Variants in PPID observed in about 807,000 individuals in gnomAD.
The protein encoded by PPID is peptidyl-prolyl cis-trans isomerase D.
A neutral mutation model predicts 48.1 loss-of-function variants in PPID; 47 were observed. The observed-to-expected ratio is 0.98, with a 90% CI of 0.77 to 1.25. The LOEUF is 1.25. Ranked by LOEUF, PPID falls within the 50% of genes most tolerant of loss-of-function variation. The pLI is 0.00. For synonymous variants in PPID, 163 were observed against 148.8 expected, an observed-to-expected ratio of 1.10 and a Z score of -0.69; for missense variants, 429 against 443.5, an observed-to-expected ratio of 0.97 and a Z score of 0.29.
intron 1 of PPID, 68 bp from the exon 2 acceptor site, chr4:158,721,551 G>GCCGGGCGCGGTGGCTCACGCC: frequency 6.5e-7 from 1 of 1,531,018 alleles, no homozygotes. Context: ...AAGAAGGTTG[G>GCCGGGCGCGGTGGCTCACGCC]TATAATTATG....
chr4:158,717,354 A>T (rs1371983444), intron 3 of PPID, among the ~76,000 whole-genome samples, 154 bp from the exon 4 acceptor site: 2 of 152,176 alleles, frequency 1.3e-5, no homozygotes, highest in Non-Finnish European at 2.9e-5. Flanking sequence ...CACTTATAAA[A>T]TTTTTTAATT....
At chr4:158,709,915 G>GA in intron 9 of PPID, 91 bp from the exon 10 acceptor site, 1 of 994,218 alleles carries the variant, frequency 1.0e-6, no homozygotes. Context: ...ACTACCCCTT[G>GA]AAAAAACTTC....
At position 158,709,701 on chromosome 4, in the gene PPID, A is replaced by G; in HGVS notation, c.*35T>C. 3 of 1,448,274 alleles carry G rather than the reference A, an allele frequency of 2.1e-6. No individual in the cohort carries two copies. In the African/African-American group the frequency reaches 4.2e-5, roughly 20 times the overall value. The allele number at this position is 1,448,274 out of a possible 1,614,324, so 89.7% of individuals were successfully genotyped here. A position where few individuals can be genotyped will look rare whatever the true frequency, so the allele number is the denominator to read the frequency against. On this transcript the variant is annotated 3_prime_UTR_variant, in exon 10 of 10. Transcript: ENST00000307720. ...CTTTACATTTTCTTATTGCATTTAT[A>G]CAATCAACACACAATAAGCAAAACT...
intron 3 of PPID, 79 bp from the exon 4 acceptor site, chr4:158,717,279 T>C (rs1774888647): frequency 1.5e-6 from 2 of 1,334,562 alleles, no homozygotes; most frequent in Non-Finnish European, 1.0e-6. Context: ...AACTGTTCTT[T>C]TACTGAACAT....
chr4:158,710,852 CA>C lies in PPID; in HGVS notation c.895-5del, dbSNP rs1194351293. On this transcript the variant is annotated splice_polypyrimidine_tract_variant and splice_region_variant and intron_variant, in intron 7 of 9. Coordinates refer to ENST00000307720, the MANE Select transcript of PPID (RefSeq NM_005038.3). ...TTGATGGGTCTAGTTCAAGAGCCTA[CA>C]AAAAAGTATAAAGCTAGTATTTATA... is the stretch of plus-strand genomic sequence containing the variant. The C allele has an allele frequency of 1.2e-6, 2 of 1,602,492 alleles. No individual in the cohort carries two copies. The highest frequency in any genetic ancestry group is 1.7e-6 in the Non-Finnish European group (2 of 1,171,082).
intron 7 of PPID, among the ~76,000 whole-genome samples, chr4:158,711,766 A>C (rs1160418036): frequency 6.6e-6 from 1 of 152,006 alleles, no homozygotes; most frequent in African/African-American, 2.4e-5. Context: ...AGGAGTTAAG[A>C]GACCAGCCTG....
chr4:158,719,441 C>T (rs116405591), intron 2 of PPID, among the ~76,000 whole-genome samples, 155 bp from the exon 3 acceptor site: 5 of 152,332 alleles, frequency 3.3e-5, no homozygotes, highest in East Asian at 1.9e-4. Context: ...CAACTCCAAA[C>T]GCTTCAGGCT....
chr4:158,721,568 G>T (rs6837290), intron 1 of PPID, 85 bp from the exon 2 acceptor site: 2 of 1,448,836 alleles, frequency 1.4e-6, no homozygotes, highest in Non-Finnish European at 1.9e-6. Flanking sequence ...TATGGTAGCA[G>T]ATCAATCATG....
In PPID at chr4:158,709,692, T is replaced by C; in HGVS notation, c.*44A>G. Reference sequence around the variant, plus strand: ...GACAAAAACCTTTACATTTTCTTATTGCATTTATACAATCAACACACAATA... The same window carrying C: ...GACAAAAACCTTTACATTTTCTTATCGCATTTATACAATCAACACACAATA... On this transcript the variant is annotated 3_prime_UTR_variant, in exon 10 of 10. Transcript: ENST00000307720. The C allele has an allele frequency of 7.2e-7, 1 of 1,394,262 alleles. No individual in the cohort carries two copies. Among genetic ancestry groups the C allele is most frequent in the Non-Finnish European group, 1.0e-6 (1 of 993,930 alleles). 86.4% of individuals were successfully genotyped at this position (1,394,262 alleles called of 1,614,324 possible). A position where few individuals can be genotyped will look rare whatever the true frequency, so the allele number is the denominator to read the frequency against.
chr4:158,715,797 G>C, intron 4 of PPID, 113 bp from the exon 5 acceptor site: 1 of 1,176,006 alleles, frequency 8.5e-7, no homozygotes, highest in Non-Finnish European at 1.2e-6. Context: ...ATGTGAGAAG[G>C]CTCATTTATG....
intron 5 of PPID, 34 bp from the exon 6 acceptor site, chr4:158,715,437 G>A (rs760358175): frequency 1.3e-6 from 2 of 1,485,046 alleles, no homozygotes; most frequent in African/African-American, 1.4e-5. Flanking sequence ...TTGGATTTTA[G>A]TAAGTAATGT....
chr4:158,720,551 T>C (rs1212636472), intron 2 of PPID, among the ~76,000 whole-genome samples: 1 of 152,140 alleles, frequency 6.6e-6, no homozygotes, highest in Non-Finnish European at 1.5e-5. Flanking sequence ...GGGAGAACCA[T>C]TATCACTAAA....
Position 158,717,016 on chromosome 4 carries a change from G to T in PPID, c.518C>A (p.Ala173Asp). ...TCACTGTAACTTTTTACTTACTTTA[G>T]CAGGTTTTTCACCTTTCACTTCCAC... ...ENVEVKGEKP[A>D]KLCVIAECGE... The change falls in exon 4 of 10, where the codon GCT becomes GAT. Residue 173 changes from alanine (A) to aspartate (D), a missense_variant. Transcript: ENST00000307720. The T allele has an allele frequency of 3.1e-6, 5 of 1,610,188 alleles. No homozygotes were observed. In the South Asian group the frequency reaches 5.5e-5, roughly 18 times the overall value.
intron 1 of PPID, 62 bp downstream of exon 1, chr4:158,723,142 C>A (rs1774990959): frequency 6.7e-7 from 1 of 1,496,628 alleles, no homozygotes; most frequent in Non-Finnish European, 9.2e-7. Flanking sequence ...CCTTGGAATC[C>A]CCCAAATCCC....
chr4:158,722,069 T>C (rs1236580006), intron 1 of PPID, among the ~76,000 whole-genome samples: 1 of 152,244 alleles, frequency 6.6e-6, no homozygotes, highest in Non-Finnish European at 1.5e-5. Context: ...CCTTTGAATA[T>C]ACTCACTAGA....
chr4:158,713,670 A>C (rs1774825223), intron 6 of PPID, among the ~76,000 whole-genome samples: 1 of 152,200 alleles, frequency 6.6e-6, no homozygotes, highest in Non-Finnish European at 1.5e-5. Context: ...AACTGAGCAC[A>C]CCTGGCCCCC....
At chr4:158,712,380 G>C (rs1774802426) in intron 7 of PPID, among the ~76,000 whole-genome samples, 1 of 152,088 alleles carries the variant, frequency 6.6e-6, no homozygotes, top group African/African-American at 2.4e-5. Context: ...TGAGGGTATG[G>C]ATCTTTTAAT....
intron 6 of PPID, among the ~76,000 whole-genome samples, chr4:158,714,419 T>C (rs900228644): frequency 5.3e-5 from 8 of 152,044 alleles, no homozygotes; most frequent in African/African-American, 1.9e-4. Context: ...CACATACAGA[T>C]GAAAGTCTAT....
intron 9 of PPID, 69 bp downstream of exon 9, chr4:158,710,559 A>C: frequency 6.5e-7 from 1 of 1,527,062 alleles, no homozygotes; most frequent in Middle Eastern, 2.3e-4. Flanking sequence ...TGGCAAAGTG[A>C]ACAATGGTTC....
Sources: gnomAD v4.1 joint callset for allele counts (sites outside exome capture counted in the v4.1 genomes callset) on GRCh38, gnomAD v4.1.1 for gene constraint, MANE v1.5 for transcripts, NCBI Gene and HGNC (gene_info 2026-07-23, HGNC 2026-07-21) for gene names.